The following METTL2B variants were observed in gnomAD, a reference collection of about 807,000 sequenced individuals.
METTL2B encodes tRNA N(3)-cytidine methyltransferase METTL2B.
In METTL2B, 28 loss-of-function variants were observed where a neutral mutation model predicts 51.0. The ratio of observed to expected loss-of-function variants is 0.55; its 90% CI spans 0.41 to 0.75. The LOEUF (loss-of-function observed/expected upper bound fraction) is 0.75, where lower values mean the gene tolerates loss of function less well. Among genes scored for constraint, METTL2B ranks in the 30% least tolerant of loss-of-function variants. METTL2B has a pLI of 0.00. For synonymous variants in METTL2B, 128 were observed against 166.3 expected, an observed-to-expected ratio of 0.77 and a Z score of 1.77; for missense variants, 313 against 460.7, an observed-to-expected ratio of 0.68 and a Z score of 2.93.
intron 4 of METTL2B, chr7:128,484,229 T>TGTTTTTTTTTTTTTTG (rs1468813996): frequency 2.0e-5 from 2 of 100,670 alleles, no homozygotes; most frequent in East Asian, 5.7e-4. Context: ...TTTTTTTTTT[T>TGTTTTTTTTTTTTTTG]TTTTTTTTTT....
chr7:128,480,586 T>A, intron 3 of METTL2B, 61 bp from the exon 4 acceptor site: 1 of 1,610,758 alleles, frequency 6.2e-7, no homozygotes, highest in South Asian at 1.1e-5. Context: ...TTCTAGCTTT[T>A]CTAGCTTTCG....
At chr7:128,496,125 C>CCTTCCTCTAGAAGGCCACA (rs368621798) in intron 6 of METTL2B, among the ~76,000 whole-genome samples, 2 of 152,276 alleles carry the variant, frequency 1.3e-5, no homozygotes, top group African/African-American at 2.4e-5. Flanking sequence ...GAGTGATTGA[C>CCTTCCTCTAGAAGGCCACA]CTTCCTCTAG....
chr7:128,485,366 C>G (rs1196392879), intron 4 of METTL2B, among the ~76,000 whole-genome samples: 1 of 152,016 alleles, frequency 6.6e-6, no homozygotes, highest in Non-Finnish European at 1.5e-5. Context: ...GACCCCGTCT[C>G]TACAAAAAAA....
At chr7:128,477,923 T>C (rs756958682) in intron 2 of METTL2B, 36 of 443,118 alleles carry the variant, frequency 8.1e-5, no homozygotes, top group South Asian at 4.6e-4. Context: ...TTGAAAATCA[T>C]GTGGTTCAAT....
At chr7:128,499,517 C>CTTTTT (rs1297101344) in intron 7 of METTL2B, among the ~76,000 whole-genome samples, 4 of 119,908 alleles carry the variant, frequency 3.3e-5, no homozygotes, top group East Asian at 4.6e-4. Flanking sequence ...TATTAACAGC[C>CTTTTT]TTTTTTTTTT....
At chr7:128,490,205 C>T (rs550556619) in intron 5 of METTL2B, among the ~76,000 whole-genome samples, 36 of 151,854 alleles carry the variant, frequency 2.4e-4, no homozygotes, top group African/African-American at 8.7e-4. Flanking sequence ...TTTGCCCAAC[C>T]GTAAGAAGCA....
At chr7:128,492,868 G>A (rs537999236) in intron 5 of METTL2B, among the ~76,000 whole-genome samples, 2 of 151,440 alleles carry the variant, frequency 1.3e-5, no homozygotes, top group Admixed American at 6.6e-5. Context: ...TGCGCGCCTC[G>A]GCCTCCCAAA....
intron 4 of METTL2B, among the ~76,000 whole-genome samples, chr7:128,486,091 C>G (rs185135053): frequency 6.6e-6 from 1 of 151,766 alleles, no homozygotes; most frequent in African/African-American, 2.4e-5. Flanking sequence ...GTCAGGAGTT[C>G]GAGCCCAGCC....
chr7:128,490,072 C>T (rs1792801246), intron 5 of METTL2B, among the ~76,000 whole-genome samples: 1 of 152,258 alleles, frequency 6.6e-6, no homozygotes, highest in Admixed American at 6.5e-5. Flanking sequence ...TTCTCTCAAA[C>T]CCTGCTGCTG....
chr7:128,487,297 A>C (rs1430656810), intron 4 of METTL2B, among the ~76,000 whole-genome samples: 1 of 152,172 alleles, frequency 6.6e-6, no homozygotes, highest in Non-Finnish European at 1.5e-5. Flanking sequence ...CGTCTCACTC[A>C]AATTATGAGC....
In METTL2B at chr7:128,501,938, A is replaced by G; in HGVS notation, c.*22A>G. ...CTAAGAGGCACCTGCTGCCAACACG[A>G]TGCAAGCCCGTTGTGTTTCCGAGCT... On this transcript the variant is annotated 3_prime_UTR_variant, in exon 9 of 9. Transcript: ENST00000262432. 1 of 1,612,468 alleles carries G rather than the reference A, an allele frequency of 6.2e-7. No homozygotes were observed. Among genetic ancestry groups the G allele is most frequent in the Non-Finnish European group, 8.5e-7 (1 of 1,178,930 alleles).
At chr7:128,486,931 C>T (rs1179650074) in intron 4 of METTL2B, among the ~76,000 whole-genome samples, 1 of 152,142 alleles carries the variant, frequency 6.6e-6, no homozygotes, top group Admixed American at 6.5e-5. Flanking sequence ...AATGGGTACT[C>T]GGCAGATGCA....
Position 128,481,367 on chromosome 7 carries a change from T to C in METTL2B, c.608+671T>C, listed in dbSNP as rs920127422. 3.3e-5 allele frequency among the ~76,000 whole-genome samples: 5 copies of C among 152,250 alleles called. No individual in the cohort carries two copies. In the South Asian group the frequency reaches 8.3e-4, roughly 25 times the overall value. ...GACTGCCCCCCACTTCAGATGCCAG[T>C]TGTGAATCTGGCCCTCCGTGTTTCT... On this transcript the variant is annotated intron_variant, in intron 4 of 8. Coordinates refer to ENST00000262432, the MANE Select transcript of METTL2B (RefSeq NM_018396.3).
chr7:128,484,738 G>T (rs560540526), intron 4 of METTL2B, among the ~76,000 whole-genome samples: 80 of 152,038 alleles, frequency 5.3e-4, no homozygotes, highest in African/African-American at 1.9e-3. Context: ...GATTACAAGC[G>T]CCCGCCACCA....
intron 8 of METTL2B, 91 bp downstream of exon 8, chr7:128,501,059 G>A: frequency 6.3e-7 from 1 of 1,582,614 alleles, no homozygotes; most frequent in Non-Finnish European, 8.6e-7. Context: ...GGCCCCTCCT[G>A]CCTTTTAGGC....
At chr7:128,492,080 C>T (rs1317273819) in intron 5 of METTL2B, among the ~76,000 whole-genome samples, 1 of 151,832 alleles carries the variant, frequency 6.6e-6, no homozygotes, top group African/African-American at 2.4e-5. Flanking sequence ...CTGACTGCAG[C>T]CTTGATCTCC....
In METTL2B at chr7:128,488,106, C is replaced by G; in HGVS notation, c.614C>G (p.Pro205Arg). Reference sequence around the variant, plus strand: ...GTCTTTTCTGCCCATTTCAGTGACCCAGGACTCTTTGTTTATTGCTGTGAT... The same window carrying G: ...GTCTTTTCTGCCCATTTCAGTGACCGAGGACTCTTTGTTTATTGCTGTGAT... ...VFPILQTNND[P>R]GLFVYCCDFS... is the part of the protein sequence containing the mutation. The change falls in exon 5 of 9, where the codon CCA (proline) becomes CGA (arginine). Residue 205 changes from proline (P) to arginine (R), a missense_variant. This residue lies in a region of METTL2B where 42 missense variants were observed against 113.4 expected (regional missense o/e 0.37). Transcript: ENST00000262432. 1 of 1,604,024 alleles carries G rather than the reference C, an allele frequency of 6.2e-7. No individual in the cohort carries two copies. The highest frequency in any genetic ancestry group is 8.5e-7 in the Non-Finnish European group (1 of 1,174,580).
intron 5 of METTL2B, among the ~76,000 whole-genome samples, chr7:128,491,594 CAA>C (rs199737741): frequency 6.8e-5 from 9 of 132,996 alleles, no homozygotes; most frequent in Admixed American, 7.6e-5. Context: ...AACTCTATCT[CAA>C]AAAAAAAAAA....
chr7:128,501,520 G>C, intron 8 of METTL2B: 1 of 985,360 alleles, frequency 1.0e-6, no homozygotes, highest in African/African-American at 1.7e-5. Flanking sequence ...TGTTCATAGA[G>C]CCTAAAGGCC....
Sources: allele counts gnomAD v4.1 joint callset (sites outside exome capture counted in the v4.1 genomes callset), GRCh38; gene constraint gnomAD v4.1.1; regional missense constraint gnomAD v4.1.1; transcripts MANE v1.5; gene names NCBI Gene and HGNC (gene_info 2026-07-23, HGNC 2026-07-21).